ZNF106: variants seen among roughly 807,000 people sequenced by gnomAD.
ZNF106 encodes SH3-domain binding protein 3.
Under a neutral mutation model 195.1 loss-of-function variants are expected in ZNF106, and 67 were observed. The observed-to-expected ratio is 0.34, with a 90% confidence interval of 0.28 to 0.42. ZNF106 has a LOEUF of 0.42. Ranked by LOEUF, ZNF106 falls within the 10% of genes least tolerant of loss-of-function variation. ZNF106 has a pLI of 1.00. For missense variants in ZNF106, 2,118 were observed against 2,304.5 expected (o/e 0.92, Z 1.66); for synonymous variants, 784 against 818.6 (o/e 0.96, Z 0.72).
intron 3 of ZNF106, among the ~76,000 whole-genome samples, chr15:42,464,194 G>GAT (rs1555430565): frequency 2.0e-5 from 3 of 151,886 alleles, no homozygotes; most frequent in Admixed American, 1.3e-4. Context: ...ACTAAAATTA[G>GAT]CCGGATGTGG....
At chr15:42,482,529 T>G (rs996580463) in intron 1 of ZNF106, among the ~76,000 whole-genome samples, 6 of 137,160 alleles carry the variant, frequency 4.4e-5, no homozygotes, top group South Asian at 2.4e-4. Flanking sequence ...CCAGTTTTTT[T>G]TTTTTTTTTT....
Position 42,450,125 on chromosome 15 carries a change from C to T in ZNF106, c.2147G>A (p.Gly716Asp). The T allele has an allele frequency of 6.2e-7, 1 of 1,614,180 alleles. No homozygotes were observed. The highest frequency in any genetic ancestry group is 8.5e-7 in the Non-Finnish European group (1 of 1,180,034). ...TGCATCCAAGCTAGCACTCTCAAAG[C>T]CTTCTGTTTCATAAGATACATGAGA... ...IKSHVSYETE[G>D]FESASLDAEL... is the part of the protein sequence containing the mutation. The change falls in exon 5 of 22, where the codon GGC (glycine) becomes GAC (aspartate). Residue 716 changes from glycine (G) to aspartate (D), a missense_variant. Physicochemically the swap from Gly to Asp is moderately conservative, Grantham distance 94. Coordinates refer to ENST00000564754, the MANE Select transcript of ZNF106 (RefSeq NM_001366845.3).
chr15:42,464,522 CTTTTTTT>C (rs928173954), intron 3 of ZNF106, among the ~76,000 whole-genome samples: 3 of 113,478 alleles, frequency 2.6e-5, no homozygotes, highest in African/African-American at 7.4e-5. Flanking sequence ...ACACATGCTA[CTTTTTTT>C]TTTTTTTTTT....
intron 6 of ZNF106, 93 bp downstream of exon 6, chr15:42,447,979 C>T (rs888141734): frequency 2.9e-6 from 4 of 1,396,500 alleles, no homozygotes; most frequent in Admixed American, 4.4e-5. Context: ...ATCACAATCC[C>T]AGATACCCAA....
rs2055422312 is a variant in ZNF106, at chr15:42,439,582, C to G, written c.3995G>C (p.Ser1332Thr). 2 of 1,614,098 alleles carry G rather than the reference C, an allele frequency of 1.2e-6. No homozygotes were observed. The highest frequency in any genetic ancestry group is 2.2e-5 in the South Asian group (2 of 91,088). ...KGNSGSEACT[S>T]SFLRLSFASE... is the part of the protein sequence containing the mutation. The stretch of plus-strand genomic sequence containing the variant: ...AGCAAAAGACAATCTTAGAAAAGAA[C>G]TGGTACAGGCTTCAGACCCACTATT... The change falls in exon 11 of 22, where the codon AGT (serine) becomes ACT (threonine). Residue 1332 changes from serine (S) to threonine (T), a missense_variant. Coordinates refer to ENST00000564754, the MANE Select transcript of ZNF106 (RefSeq NM_001366845.3).
intron 1 of ZNF106, among the ~76,000 whole-genome samples, chr15:42,476,807 A>C (rs1870291322): frequency 1.3e-5 from 2 of 152,146 alleles, no homozygotes; most frequent in Admixed American, 1.3e-4. Flanking sequence ...GCGAACCGCA[A>C]ACCTGTGCGG....
intron 13 of ZNF106, among the ~76,000 whole-genome samples, chr15:42,436,262 G>C (rs979296743): frequency 6.6e-6 from 1 of 151,932 alleles, no homozygotes; most frequent in Non-Finnish European, 1.5e-5. Context: ...CACTGGTGGT[G>C]TTTCTTATGG....
chr15:42,446,728 T>A (rs1223603048), intron 6 of ZNF106, 70 bp from the exon 7 acceptor site: 1 of 1,328,002 alleles, frequency 7.5e-7, no homozygotes, highest in Non-Finnish European at 1.0e-6. Flanking sequence ...GAAAAAGGAA[T>A]CAATTCTAAG....
At chr15:42,447,934 G>A in intron 6 of ZNF106, 138 bp downstream of exon 6, 1 of 1,024,598 alleles carries the variant, frequency 9.8e-7, no homozygotes, top group South Asian at 1.6e-5. Context: ...TAGGATGAAA[G>A]TAAGAACCTC....
chr15:42,472,488 T>C (rs544231952), intron 1 of ZNF106, among the ~76,000 whole-genome samples, 167 bp from the exon 2 acceptor site: 1 of 152,132 alleles, frequency 6.6e-6, no homozygotes, highest in Non-Finnish European at 1.5e-5. Flanking sequence ...GAGCCATCCT[T>C]GATCCTTCTT....
Position 42,448,717 on chromosome 15 carries a change from AAG to A in ZNF106, c.2502-14_2502-13del. ...TTTCTATGCCAAACCTTAAGGAAGAAAGAAAAAATGAAAACATAAATTGGATA... is the reference window on the plus strand; with the variant it reads ...TTTCTATGCCAAACCTTAAGGAAGAAAAAAAATGAAAACATAAATTGGATA... On this transcript the variant is annotated splice_polypyrimidine_tract_variant and intron_variant, in intron 5 of 21. Transcript: ENST00000564754. The A allele has an allele frequency of 6.4e-7, 1 of 1,569,318 alleles. No homozygotes were observed. Among genetic ancestry groups the A allele is most frequent in the South Asian group, 1.2e-5 (1 of 86,208 alleles).
intron 2 of ZNF106, among the ~76,000 whole-genome samples, chr15:42,469,344 C>T (rs1393275749): frequency 6.6e-6 from 1 of 152,160 alleles, no homozygotes; most frequent in East Asian, 1.9e-4. Context: ...AAACAGCATT[C>T]ACTGAAATGG....
intron 4 of ZNF106, among the ~76,000 whole-genome samples, chr15:42,453,976 G>A (rs1416316623): frequency 1.3e-5 from 2 of 152,206 alleles, no homozygotes; most frequent in Non-Finnish European, 2.9e-5. Flanking sequence ...CAGTAGAGCA[G>A]AGATTTAATC....
intron 1 of ZNF106, among the ~76,000 whole-genome samples, chr15:42,474,547 A>G (rs987759789): frequency 6.6e-6 from 1 of 152,060 alleles, no homozygotes; most frequent in African/African-American, 2.4e-5. Context: ...TCACTTGAGG[A>G]CAGGAGTTCA....
At position 42,466,119 on chromosome 15, in the gene ZNF106, AAAAT is replaced by A. The variant is rs1381976713; in HGVS notation, c.55-9_55-6del. 1 of 1,529,552 alleles carries A rather than the reference AAAAT, an allele frequency of 6.5e-7. No individual in the cohort carries two copies. The highest frequency in any genetic ancestry group is 2.0e-5 in the Admixed American group (1 of 49,958). 94.7% of individuals were successfully genotyped at this position (1,529,552 alleles called of 1,614,324 possible). On this transcript the variant is annotated splice_polypyrimidine_tract_variant and splice_region_variant and intron_variant, in intron 2 of 21. Coordinates refer to ENST00000564754, the MANE Select transcript of ZNF106 (RefSeq NM_001366845.3). ...CCGCATGTGTTCGTCCATCTCCTTCAAAATAAAAGAAAGTAGATTAAAACTAAGC... is the reference window on the plus strand; with the variant it reads ...CCGCATGTGTTCGTCCATCTCCTTCAAAAAGAAAGTAGATTAAAACTAAGC...
In ZNF106 at chr15:42,472,309, C is replaced by A. The variant is rs757484952; in HGVS notation, c.-20G>T. 11 of 1,534,592 alleles carry A rather than the reference C, an allele frequency of 7.2e-6. No homozygotes were observed. The South Asian group carries it at 1.3e-4, about 18-fold the overall frequency. On this transcript the variant is annotated 5_prime_UTR_variant, in exon 2 of 22. Coordinates refer to ENST00000564754, the MANE Select transcript of ZNF106 (RefSeq NM_001366845.3). ...TACCATAGTGACCAGATCTGAAGCA[C>A]TCAACGTCACAGCTGCAATGAGGAA...
intron 1 of ZNF106, among the ~76,000 whole-genome samples, chr15:42,476,850 A>G (rs112921459): frequency 0.063 from 9,529 of 152,222 alleles, 447 homozygotes; most frequent in South Asian, 0.17. Context: ...TCTCTTCCTT[A>G]AGATTTCCTT....
chr15:42,460,860 C>CAAA (rs34054288), intron 3 of ZNF106, among the ~76,000 whole-genome samples: 1 of 110,588 alleles, frequency 9.0e-6, no homozygotes, highest in Non-Finnish European at 2.0e-5. Flanking sequence ...AACTCCGTCT[C>CAAA]AAAAAAAAAA....
intron 4 of ZNF106, among the ~76,000 whole-genome samples, chr15:42,455,195 C>T (rs929324972): frequency 5.3e-5 from 8 of 152,232 alleles, no homozygotes; most frequent in Non-Finnish European, 1.0e-4. Context: ...TTGAGTGTCC[C>T]GTATCTGAAA....
Sources: allele counts gnomAD v4.1 joint callset (sites outside exome capture counted in the v4.1 genomes callset), GRCh38; gene constraint gnomAD v4.1.1; transcripts MANE v1.5; gene names NCBI Gene and HGNC (gene_info 2026-07-23, HGNC 2026-07-21).